EIF5B: variants seen among roughly 807,000 people sequenced by gnomAD.
EIF5B encodes the protein eukaryotic translation initiation factor 5B.
In EIF5B, 47 loss-of-function variants were observed where a neutral mutation model predicts 147.5. That is an observed-to-expected ratio of 0.32 (90% CI 0.25 to 0.41). EIF5B has a LOEUF of 0.41. EIF5B is among the 10% of genes least tolerant of loss of function. The probability of loss-of-function intolerance (pLI) is 1.00; values close to 1 mark genes in which losing one functional copy is unlikely to be tolerated. For missense variants in EIF5B, 1,064 were observed against 1,413.2 expected, an observed-to-expected ratio of 0.75 and a Z score of 3.96; for synonymous variants, 455 against 456.2, an observed-to-expected ratio of 1.00 and a Z score of 0.03.
At chr2:99,364,151 T>G (rs1674278261) in intron 5 of EIF5B, 120 bp from the exon 6 acceptor site, 1 of 1,351,194 alleles carries the variant, frequency 7.4e-7, no homozygotes, top group Non-Finnish European at 1.0e-6. Context: ...ATTTGGAATC[T>G]CCTAACATAA....
At chr2:99,348,358 T>C (rs1462357315) in intron 1 of EIF5B, among the ~76,000 whole-genome samples, 4 of 152,218 alleles carry the variant, frequency 2.6e-5, no homozygotes, top group Non-Finnish European at 5.9e-5. Context: ...TTAAGAGAGT[T>C]GAGAGTGAAA....
chr2:99,398,471 G>A (rs987427102), intron 22 of EIF5B: 4 of 254,676 alleles, frequency 1.6e-5, no homozygotes, highest in African/African-American at 2.3e-5. Flanking sequence ...AAATGGTAGA[G>A]CAAAAATAGG....
chr2:99,348,510 T>C (rs987302115), intron 1 of EIF5B, among the ~76,000 whole-genome samples: 3 of 152,210 alleles, frequency 2.0e-5, no homozygotes, highest in Admixed American at 2.0e-4. Flanking sequence ...AGATGAAGAC[T>C]GGGGAAATGA....
intron 17 of EIF5B, among the ~76,000 whole-genome samples, chr2:99,391,534 T>G (rs1674929978): frequency 6.6e-6 from 1 of 152,162 alleles, no homozygotes; most frequent in Non-Finnish European, 1.5e-5. Flanking sequence ...CCTGTGTGCT[T>G]CTTCCTGATC....
Position 99,400,487 on chromosome 2 carries a change from C to T in EIF5B, c.*1073C>T, listed in dbSNP as rs1218722396. The stretch of plus-strand genomic sequence containing the variant: ...ATATCCACTAGCATAGAATTTTAAA[C>T]TATTTTTATTTTAAAGTTATGGCAT... On this transcript the variant is annotated 3_prime_UTR_variant, in exon 24 of 24. Transcript: ENST00000289371. The T allele has an allele frequency of 6.6e-6, 1 of 152,120 alleles. No homozygotes were observed. Among genetic ancestry groups the T allele is most frequent in the Non-Finnish European group, 1.5e-5 (1 of 68,026 alleles). The allele number at this position is 152,120 out of a possible 1,614,324, so 9.4% of individuals were successfully genotyped here. A position where few individuals can be genotyped will look rare whatever the true frequency, so the allele number is the denominator to read the frequency against.
Position 99,399,489 on chromosome 2 carries a change from A to G in EIF5B, c.*75A>G. Reference sequence around the variant, plus strand: ...TATCCCAACAAAAATCAGACAAAAAATGGAACAGACGTATTTGGACACTGA... The same window carrying G: ...TATCCCAACAAAAATCAGACAAAAAGTGGAACAGACGTATTTGGACACTGA... On this transcript the variant is annotated 3_prime_UTR_variant, in exon 24 of 24. Coordinates refer to ENST00000289371, the MANE Select transcript of EIF5B (RefSeq NM_015904.4). 7 of 1,387,216 alleles carry G rather than the reference A, an allele frequency of 5.0e-6. No individual in the cohort carries two copies. The highest frequency in any genetic ancestry group is 1.4e-5 in the African/African-American group (1 of 70,082). 85.9% of individuals were successfully genotyped at this position (1,387,216 alleles called of 1,614,324 possible). A position where few individuals can be genotyped will look rare whatever the true frequency, so the allele number is the denominator to read the frequency against.
Position 99,364,389 on chromosome 2 carries a change from C to T in EIF5B, c.1256C>T (p.Ala419Val). ...TKSQREARARAEATLKLLQAQ... is the reference protein window; with the variant it reads ...TKSQREARARVEATLKLLQAQ... The stretch of plus-strand genomic sequence containing the variant: ...TCCCAGAGAGAAGCCAGAGCCAGAG[C>T]CGAAGCTACTCTTAAACTGCTACAA... The change falls in exon 6 of 24, where the codon GCC (alanine) becomes GTC (valine). Residue 419 changes from alanine to valine, a missense_variant. This residue lies in a region of EIF5B where 31 missense variants were observed against 60.1 expected (regional missense o/e 0.52). Transcript: ENST00000289371. 2.5e-6 allele frequency: 4 copies of T among 1,607,356 alleles called. No homozygotes were observed. The South Asian group carries it at 4.5e-5, about 18-fold the overall frequency.
At position 99,369,447 on chromosome 2, in the gene EIF5B, A is replaced by C; in HGVS notation, c.1443A>C (p.Pro481=). ...AAVEVMEQGV[P]EKEETPPPVE... Reference sequence around the variant, plus strand: ...TAGAAGTTATGGAACAAGGAGTACCAGAAAAGGAAGAGACACCACCTCCTG... The same window carrying C: ...TAGAAGTTATGGAACAAGGAGTACCCGAAAAGGAAGAGACACCACCTCCTG... Residue 481 remains proline, a synonymous_variant, in exon 8 of 24, where the codon CCA becomes CCC. Coordinates refer to ENST00000289371, the MANE Select transcript of EIF5B (RefSeq NM_015904.4). The C allele has an allele frequency of 6.2e-7, 1 of 1,610,858 alleles. No homozygotes were observed. The highest frequency in any genetic ancestry group is 2.2e-5 in the East Asian group (1 of 44,728).
intron 14 of EIF5B, among the ~76,000 whole-genome samples, chr2:99,385,666 C>T (rs979810614): frequency 1.3e-5 from 2 of 152,054 alleles, no homozygotes; most frequent in African/African-American, 4.8e-5. Context: ...CTAGGAAACC[C>T]CAAAAATTGT....
intron 1 of EIF5B, among the ~76,000 whole-genome samples, chr2:99,352,787 AGT>A: frequency 6.6e-6 from 1 of 151,772 alleles, no homozygotes; most frequent in African/African-American, 2.4e-5. Context: ...TTTTGTTAAC[AGT>A]GTCTTTTTTA....
chr2:99,379,879 A>G (rs1674653587), intron 12 of EIF5B, among the ~76,000 whole-genome samples: 1 of 152,252 alleles, frequency 6.6e-6, no homozygotes, highest in Admixed American at 6.5e-5. Context: ...AAGAATCAGT[A>G]TAATACACAC....
intron 1 of EIF5B, among the ~76,000 whole-genome samples, chr2:99,341,253 A>C (rs928849105): frequency 1.3e-5 from 2 of 152,232 alleles, no homozygotes; most frequent in Non-Finnish European, 2.9e-5. Flanking sequence ...CATATATTTG[A>C]ATGAAACTCT....
In EIF5B at chr2:99,337,412, T is replaced by A. The variant is rs1203303256; in HGVS notation, c.-143T>A. ...TCACACCATATGTGTCCTGTTCCAG[T>A]GCGCGGGTCTGTGGAGAGCCGGGTG... On this transcript the variant is annotated 5_prime_UTR_variant, in exon 1 of 24. Transcript: ENST00000289371. The A allele has an allele frequency of 1.3e-5, 13 of 1,004,226 alleles. No individual in the cohort carries two copies. Among genetic ancestry groups the A allele is most frequent in the Admixed American group, 2.0e-5 (1 of 49,372 alleles). The allele number at this position is 1,004,226 out of a possible 1,614,324, so 62.2% of individuals were successfully genotyped here.
rs1400381846 is a variant in EIF5B at position 99,337,504 on chromosome 2, C to T, written c.-51C>T. 1.9e-6 allele frequency: 3 copies of T among 1,599,062 alleles called. No individual in the cohort carries two copies. The highest frequency in any genetic ancestry group is 2.6e-6 in the Non-Finnish European group (3 of 1,172,996). ...CAAAGTCAGCCGGGAGACAGTGGGTCTGTGAGAGACCGAATAGAGGGGCTG... is the reference window on the plus strand; with the variant it reads ...CAAAGTCAGCCGGGAGACAGTGGGTTTGTGAGAGACCGAATAGAGGGGCTG... On this transcript the variant is annotated 5_prime_UTR_variant, in exon 1 of 24. Coordinates refer to ENST00000289371, the MANE Select transcript of EIF5B (RefSeq NM_015904.4).
At chr2:99,352,258 T>G (rs1441451610) in intron 1 of EIF5B, among the ~76,000 whole-genome samples, 1 of 151,774 alleles carries the variant, frequency 6.6e-6, no homozygotes, top group East Asian at 1.9e-4. Context: ...TGCAATGGTA[T>G]GATCTCAGCT....
At position 99,399,490 on chromosome 2, in the gene EIF5B, TG is replaced by T; in HGVS notation, c.*78del. Reference sequence around the variant, plus strand: ...ATCCCAACAAAAATCAGACAAAAAATGGAACAGACGTATTTGGACACTGATG... The same window carrying T: ...ATCCCAACAAAAATCAGACAAAAAATGAACAGACGTATTTGGACACTGATG... On this transcript the variant is annotated 3_prime_UTR_variant, in exon 24 of 24. Coordinates refer to ENST00000289371, the MANE Select transcript of EIF5B (RefSeq NM_015904.4). 1.0e-5 allele frequency: 14 copies of T among 1,371,930 alleles called. No individual in the cohort carries two copies. The highest frequency in any genetic ancestry group is 1.4e-5 in the Non-Finnish European group (14 of 975,282). 85.0% of individuals were successfully genotyped at this position (1,371,930 alleles called of 1,614,324 possible).
At chr2:99,396,994 G>A in intron 22 of EIF5B, 96 bp downstream of exon 22, 6 of 1,371,266 alleles carry the variant, frequency 4.4e-6, no homozygotes, top group Non-Finnish European at 3.9e-6. Flanking sequence ...GTAGTTCACA[G>A]TACTGTGCTG....
At chr2:99,390,970 C>G (rs1261622516) in intron 17 of EIF5B, among the ~76,000 whole-genome samples, 1 of 152,150 alleles carries the variant, frequency 6.6e-6, no homozygotes, top group African/African-American at 2.4e-5. Flanking sequence ...ACGGTTGACT[C>G]TTGAACAACA....
In EIF5B at chr2:99,379,078, C is replaced by A; in HGVS notation, c.1902C>A (p.Ile634=). Residue 634 remains isoleucine, a synonymous_variant, in exon 11 of 24, where the codon ATC becomes ATA. Coordinates refer to ENST00000289371, the MANE Select transcript of EIF5B (RefSeq NM_015904.4). The part of the protein sequence containing the change: ...VNTEKLRAPI[I]CVLGHVDTGK... ...CCGAAAAGCTAAGAGCCCCTATTAT[C>A]TGCGTACTTGGGCATGTGGACACAG... 6.2e-7 allele frequency: 1 copy of A among 1,605,128 alleles called. No homozygotes were observed. The highest frequency in any genetic ancestry group is 1.1e-5 in the South Asian group (1 of 88,518).
Sources: gnomAD v4.1 joint callset for allele counts (sites outside exome capture counted in the v4.1 genomes callset) on GRCh38, gnomAD v4.1.1 for gene constraint, gnomAD v4.1.1 regional missense constraint, MANE v1.5 for transcripts, NCBI Gene and HGNC (gene_info 2026-07-23, HGNC 2026-07-21) for gene names.